Variants in PER2 observed in about 807,000 individuals in gnomAD.
PER2 encodes period circadian regulator 2.
In PER2, 66 loss-of-function variants were observed where a neutral mutation model predicts 121.0. The observed-to-expected ratio is 0.55, with a 90% CI of 0.45 to 0.67. PER2 has a LOEUF of 0.67. Among genes scored for constraint, PER2 ranks in the 30% least tolerant of loss-of-function variants. The probability of loss-of-function intolerance (pLI) is 0.00; values close to 1 mark genes in which losing one functional copy is unlikely to be tolerated. For synonymous variants in PER2, 684 were observed against 659.9 expected (o/e 1.04, Z -0.56); for missense variants, 1,521 against 1,635.0 (o/e 0.93, Z 1.20).
upstream of PER2, among the ~76,000 whole-genome samples, chr2:238,294,189 C>T (rs1360708192): frequency 2.0e-5 from 3 of 152,236 alleles, no homozygotes; most frequent in Non-Finnish European, 2.9e-5. Flanking sequence ...GGCCACGGAC[C>T]TTACCCGGGC....
intron 4 of PER2, 137 bp from the exon 5 acceptor site, chr2:238,273,328 G>A (rs1157493494): frequency 3.3e-6 from 3 of 914,236 alleles, no homozygotes; most frequent in South Asian, 2.9e-5. Context: ...CTGGGACACA[G>A]AACATACGGA....
In PER2 at chr2:238,249,219, A is replaced by G; in HGVS notation, c.3468-7T>C. The stretch of plus-strand genomic sequence containing the variant: ...CAAAACCGCTTCTAAATTTCTTCGC[A>G]AGATATTTAGAAATCGGTAAGCTTT... On this transcript the variant is annotated splice_polypyrimidine_tract_variant and splice_region_variant and intron_variant, in intron 21 of 22. Transcript: ENST00000254657. 1.9e-6 allele frequency: 3 copies of G among 1,613,074 alleles called. No homozygotes were observed. Among genetic ancestry groups the G allele is most frequent in the East Asian group, 2.2e-5 (1 of 44,876 alleles).
rs187519873 is a variant in PER2 at position 238,248,902 on chromosome 2, G to A, written c.3618+160C>T. On this transcript the variant is annotated intron_variant, in intron 22 of 22. Coordinates refer to ENST00000254657, the MANE Select transcript of PER2 (RefSeq NM_022817.3). Reference sequence around the variant, plus strand: ...GATCTCCTGACCTCGTGATCCACCCGCTTCGGCCTCCCAAAGTGCTGGGAT... The same window carrying A: ...GATCTCCTGACCTCGTGATCCACCCACTTCGGCCTCCCAAAGTGCTGGGAT... The A allele has an allele frequency of 1.1e-3, 811 of 765,398 alleles. 8 individuals are homozygous for A. In the African/African-American group the frequency reaches 0.011, roughly 11 times the overall value. 47.4% of individuals were successfully genotyped at this position (765,398 alleles called of 1,614,324 possible). A position where few individuals can be genotyped will look rare whatever the true frequency, so the allele number is the denominator to read the frequency against.
chr2:238,264,609 G>A (rs1269832508), intron 9 of PER2, among the ~76,000 whole-genome samples: 1 of 152,162 alleles, frequency 6.6e-6, no homozygotes, highest in Non-Finnish European at 1.5e-5. Flanking sequence ...ACTACTGCCA[G>A]TGGCCCACAC....
At chr2:238,281,678 C>G (rs942855846) in intron 1 of PER2, among the ~76,000 whole-genome samples, 1 of 152,148 alleles carries the variant, frequency 6.6e-6, no homozygotes, top group African/African-American at 2.4e-5. Context: ...ATGCAAAGGA[C>G]GAGGTTATCT....
rs1443860948 is a variant in PER2, at chr2:238,255,680, G to C, written c.2297C>G (p.Ser766Cys). 2 of 1,614,228 alleles carry C rather than the reference G, an allele frequency of 1.2e-6. No individual in the cohort carries two copies. The highest frequency in any genetic ancestry group is 2.2e-5 in the South Asian group (2 of 91,090). Residue 766 changes from serine to cysteine, a missense_variant, in exon 18 of 23, where the codon TCC becomes TGC. Physicochemically the swap from Ser to Cys is moderately radical, Grantham distance 112 (BLOSUM62 -1). Coordinates refer to ENST00000254657, the MANE Select transcript of PER2 (RefSeq NM_022817.3). ...ACTTCGTTCACTTGGCTGCCCCTTG[G>C]ATCTTTCTTGCAAGTAGTAATGGCA... is the stretch of plus-strand genomic sequence containing the variant. ...SHCHYYLQER[S>C]KGQPSERTAP...
rs1479235223 is a variant in PER2, at chr2:238,253,396, A to G, written c.2627T>C (p.Phe876Ser). ...GTCCACGGGCACAGCAGGCACTGTGAAGCTGGCGTGGGGAGGTGCCGGGGG... is the reference window on the plus strand; with the variant it reads ...GTCCACGGGCACAGCAGGCACTGTGGAGCTGGCGTGGGGAGGTGCCGGGGG... Reference protein sequence around the residue: ...AAPPAPPHASFTVPAVPVDLQ... With the variant: ...AAPPAPPHASSTVPAVPVDLQ... Residue 876 changes from phenylalanine (F) to serine (S), a missense_variant, in exon 19 of 23, where the codon TTC (phenylalanine) becomes TCC (serine). Phe to Ser is a radical substitution (Grantham distance 155). Transcript: ENST00000254657. The surrounding 1 kb of genome is among the most constrained non-coding windows in gnomAD (Gnocchi z 5.6). 6.2e-7 allele frequency: 1 copy of G among 1,611,040 alleles called. No homozygotes were observed. Among genetic ancestry groups the G allele is most frequent in the Non-Finnish European group, 8.5e-7 (1 of 1,178,026 alleles).
intron 1 of PER2, among the ~76,000 whole-genome samples, chr2:238,285,189 C>CA: frequency 6.6e-6 from 1 of 152,258 alleles, no homozygotes; most frequent in East Asian, 1.9e-4. Context: ...TAAGAACAGT[C>CA]AGACTCAAAG....
rs1695410710 is a variant in PER2 at position 238,245,063 on chromosome 2, A to AG, written c.*1311_*1312insC. On this transcript the variant is annotated 3_prime_UTR_variant, in exon 23 of 23. Coordinates refer to ENST00000254657, the MANE Select transcript of PER2 (RefSeq NM_022817.3). The stretch of plus-strand genomic sequence containing the variant: ...CATCTAAAAAAAAAAAAAAAAAAAA[A>AG]AAAAAAAGAAAACCCTGGTCCCTTT... The AG allele has an allele frequency of 3.3e-5, 5 of 151,172 alleles. No individual in the cohort carries two copies. The South Asian group carries it at 1.0e-3, about 32-fold the overall frequency. The allele number at this position is 151,172 out of a possible 1,614,324, so 9.4% of individuals were successfully genotyped here.
chr2:238,260,947 G>T lies in PER2; in HGVS notation c.1423C>A (p.Pro475Thr). 1.2e-6 allele frequency: 2 copies of T among 1,612,928 alleles called. No homozygotes were observed. The highest frequency in any genetic ancestry group is 8.5e-7 in the Non-Finnish European group (1 of 1,179,954). The change falls in exon 13 of 23, where the codon CCC becomes ACC. Residue 475 changes from proline to threonine, a missense_variant. Pro to Thr is a conservative substitution (Grantham distance 38). Transcript: ENST00000254657. ...CCGTAGCCACTGGAGCCGCTGTGGG[G>T]GACGGGCTGGGGAGACAGCAGACAG... ...QIHRLLLQPV[P>T]HSGSSGYGSL...
chr2:238,253,141 G>A lies in PER2; in HGVS notation c.2882C>T (p.Ala961Val). The change falls in exon 19 of 23, where the codon GCT becomes GTT. Residue 961 changes from alanine (A) to valine (V), a missense_variant. Physicochemically the swap from Ala to Val is moderately conservative, Grantham distance 64 (BLOSUM62 0). Transcript: ENST00000254657. The surrounding 1 kb of genome is among the most constrained non-coding windows in gnomAD (Gnocchi z 5.6). Reference sequence around the variant, plus strand: ...TGGGGTGGCCCGGGTGGCTGGACAAGCACATGGCTGTCTGGGGATCGAGGT... The same window carrying A: ...TGGGGTGGCCCGGGTGGCTGGACAAACACATGGCTGTCTGGGGATCGAGGT... ...SRTSIPRQPCACPATRATPPS... is the reference protein window; with the variant it reads ...SRTSIPRQPCVCPATRATPPS... 6.2e-7 allele frequency: 1 copy of A among 1,601,844 alleles called. No individual in the cohort carries two copies. Among genetic ancestry groups the A allele is most frequent in the Admixed American group, 1.7e-5 (1 of 59,580 alleles).
At position 238,253,385 on chromosome 2, in the gene PER2, C is replaced by T. The variant is rs1695666498; in HGVS notation, c.2638G>A (p.Ala880Thr). The T allele has an allele frequency of 2.5e-6, 4 of 1,611,872 alleles. No individual in the cohort carries two copies. In the South Asian group the frequency reaches 3.3e-5, roughly 13 times the overall value. Residue 880 changes from alanine (A) to threonine (T), a missense_variant, in exon 19 of 23, where the codon GCT becomes ACT. Physicochemically the swap from Ala to Thr is moderately conservative, Grantham distance 58. Transcript: ENST00000254657. The surrounding 1 kb of genome is among the most constrained non-coding windows in gnomAD (Gnocchi z 5.6). ...APPHASFTVP[A>T]VPVDLQHQFA... ...TGGTGCTGGAGGTCCACGGGCACAG[C>T]AGGCACTGTGAAGCTGGCGTGGGGA...
At chr2:238,296,881 CAG>C in the PER2 span, among the ~76,000 whole-genome samples, 5 of 152,342 alleles carry the variant, frequency 3.3e-5, no homozygotes, top group South Asian at 1.0e-3. Context: ...GATGAGAACG[CAG>C]AGAGAATCCC....
chr2:238,272,573 C>T (rs1696322956), intron 5 of PER2, among the ~76,000 whole-genome samples: 1 of 152,250 alleles, frequency 6.6e-6, no homozygotes, highest in African/African-American at 2.4e-5. Context: ...CTAGCCCTCA[C>T]ATCTGTTCTC....
chr2:238,269,993 G>C (rs1696235585), intron 6 of PER2, among the ~76,000 whole-genome samples: 1 of 152,226 alleles, frequency 6.6e-6, no homozygotes. Flanking sequence ...CAGAAGCCCT[G>C]GGTCTGGGGG....
intron 1 of PER2, among the ~76,000 whole-genome samples, chr2:238,285,126 C>A (rs545405881): frequency 6.6e-6 from 1 of 152,266 alleles, no homozygotes; most frequent in Non-Finnish European, 1.5e-5. Flanking sequence ...AGCCTCTGGG[C>A]GTGAACCTGC....
intron 22 of PER2, among the ~76,000 whole-genome samples, chr2:238,247,910 G>A (rs1164238631): frequency 1.3e-5 from 2 of 152,204 alleles, no homozygotes; most frequent in African/African-American, 2.4e-5. Flanking sequence ...GTGCAGCTTC[G>A]AGGCCACTCT....
chr2:238,291,861 T>C (rs1420481221), upstream of PER2, among the ~76,000 whole-genome samples: 2 of 152,240 alleles, frequency 1.3e-5, no homozygotes, highest in East Asian at 3.8e-4. Context: ...GGCAGGTGCC[T>C]GTCCCTGGAC....
In PER2 at chr2:238,273,055, C is replaced by T. The variant is rs76600246; in HGVS notation, c.570+15G>A. 60 of 1,613,602 alleles carry T rather than the reference C, an allele frequency of 3.7e-5. No homozygotes were observed. The African/African-American group carries it at 4.8e-4, about 13-fold the overall frequency. On this transcript the variant is annotated intron_variant, in intron 5 of 22. Coordinates refer to ENST00000254657, the MANE Select transcript of PER2 (RefSeq NM_022817.3). ...CCTGCCATTTTAGAAAGAAACTTTG[C>T]GGAAAGAGGCTTACGGCATTCTTCA...
Sources: allele counts gnomAD v4.1 joint callset (sites outside exome capture counted in the v4.1 genomes callset), GRCh38; gene constraint gnomAD v4.1.1; non-coding constraint Gnocchi (gnomAD v3.1); transcripts MANE v1.5; gene names NCBI Gene and HGNC (gene_info 2026-07-23, HGNC 2026-07-21).